The following GRIA4 variants were observed in gnomAD, a reference collection of about 807,000 sequenced individuals.
The protein encoded by GRIA4 is glutamate receptor 4.
A neutral mutation model predicts 104.0 loss-of-function variants in GRIA4; 34 were observed. That is an observed-to-expected ratio of 0.33 (90% CI 0.25 to 0.44). The LOEUF (loss-of-function observed/expected upper bound fraction) is 0.44. Among genes scored for constraint, GRIA4 ranks in the 20% least tolerant of loss-of-function variants. The pLI is 1.00. For synonymous variants in GRIA4, 386 were observed against 381.9 expected (o/e 1.01, Z -0.13); for missense variants, 750 against 1,096.5 (o/e 0.68, Z 4.46).
chr11:105,670,336 T>C (rs1280939523), intron 3 of GRIA4, among the ~76,000 whole-genome samples: 2 of 152,140 alleles, frequency 1.3e-5, no homozygotes, highest in African/African-American at 4.8e-5. Context: ...TGTAGAACAC[T>C]TTAAAGTCCA....
chr11:105,746,229 A>G (rs193079756), intron 3 of GRIA4, among the ~76,000 whole-genome samples: 28 of 152,146 alleles, frequency 1.8e-4, no homozygotes, highest in Admixed American at 4.6e-4. Context: ...CAATTATAAT[A>G]TATGAGATCA....
At chr11:105,776,857 C>T (rs961694711) in intron 4 of GRIA4, among the ~76,000 whole-genome samples, 1 of 152,172 alleles carries the variant, frequency 6.6e-6, no homozygotes, top group Admixed American at 6.5e-5. Context: ...CAGTTTAAAA[C>T]AAAAATTCCT....
chr11:105,965,982 A>G, intron 14 of GRIA4: 1 of 1,613,282 alleles, frequency 6.2e-7, no homozygotes, highest in Non-Finnish European at 8.5e-7. Flanking sequence ...AAACTGAATG[A>G]ACAAGGCCTC....
chr11:105,745,760 G>T (rs1320719715), intron 3 of GRIA4, among the ~76,000 whole-genome samples: 3 of 152,128 alleles, frequency 2.0e-5, no homozygotes, highest in Admixed American at 6.6e-5. Flanking sequence ...AAGGCAGTCA[G>T]GAGTGGGACT....
intron 12 of GRIA4, 25 bp from the exon 13 acceptor site, chr11:105,926,716 T>C: frequency 6.9e-7 from 1 of 1,442,618 alleles, no homozygotes; most frequent in South Asian, 1.1e-5. Context: ...GAAAGGAAAA[T>C]GTGCATTATT....
intron 4 of GRIA4, among the ~76,000 whole-genome samples, chr11:105,775,941 A>T (rs1281444306): frequency 1.3e-5 from 2 of 151,482 alleles, no homozygotes; most frequent in East Asian, 1.9e-4. Flanking sequence ...TTTTGTTGTT[A>T]AAAAAAATCT....
intron 7 of GRIA4, among the ~76,000 whole-genome samples, chr11:105,903,008 C>A (rs1565329466): frequency 1.3e-5 from 2 of 152,156 alleles, no homozygotes; most frequent in Non-Finnish European, 2.9e-5. Flanking sequence ...ATTTTTATCT[C>A]AATCTTTCCT....
chr11:105,844,988 T>C (rs1010145053), intron 4 of GRIA4, among the ~76,000 whole-genome samples: 9 of 152,256 alleles, frequency 5.9e-5, no homozygotes, highest in African/African-American at 2.2e-4. Context: ...TTGTGTGACC[T>C]TGGTCAATGT....
chr11:105,622,631 T>C (rs969953703), intron 3 of GRIA4, among the ~76,000 whole-genome samples: 5 of 151,864 alleles, frequency 3.3e-5, no homozygotes, highest in African/African-American at 1.2e-4. Flanking sequence ...CATCACATTT[T>C]CACTTTCTCC....
At chr11:105,811,487 G>A (rs531120762) in intron 4 of GRIA4, among the ~76,000 whole-genome samples, 35 of 152,190 alleles carry the variant, frequency 2.3e-4, no homozygotes, top group Non-Finnish European at 4.3e-4. Flanking sequence ...GTCAGTGAAC[G>A]AAGGGGTGAC....
chr11:105,690,384 T>G (rs900242736), intron 3 of GRIA4, among the ~76,000 whole-genome samples: 1 of 152,230 alleles, frequency 6.6e-6, no homozygotes, highest in Admixed American at 6.5e-5. Flanking sequence ...TTGGACAAAC[T>G]TAATATTTGA....
At chr11:105,612,056 TTG>T (rs1482882305) in intron 2 of GRIA4, among the ~76,000 whole-genome samples, 1 of 152,064 alleles carries the variant, frequency 6.6e-6, no homozygotes, top group Non-Finnish European at 1.5e-5. Flanking sequence ...TCAGAGGTCA[TTG>T]TGAGCAAGAC....
intron 5 of GRIA4, among the ~76,000 whole-genome samples, chr11:105,885,398 T>C (rs1222450672): frequency 6.6e-6 from 1 of 152,186 alleles, no homozygotes; most frequent in African/African-American, 2.4e-5. Context: ...AGATAAATTG[T>C]GGACTAGATA....
intron 3 of GRIA4, among the ~76,000 whole-genome samples, chr11:105,654,844 G>A (rs780638445): frequency 2.6e-5 from 4 of 152,108 alleles, no homozygotes; most frequent in Non-Finnish European, 4.4e-5. Flanking sequence ...CTTCAGATGA[G>A]TGAAGTTGGT....
intron 14 of GRIA4, among the ~76,000 whole-genome samples, chr11:105,948,407 T>C (rs1948370214): frequency 6.6e-6 from 1 of 152,162 alleles, no homozygotes; most frequent in East Asian, 1.9e-4. Flanking sequence ...TAGATACATG[T>C]GGTGAGTTAA....
chr11:105,702,152 T>A (rs575388751), intron 3 of GRIA4, among the ~76,000 whole-genome samples: 57 of 152,150 alleles, frequency 3.7e-4, no homozygotes, highest in Non-Finnish European at 7.8e-4. Context: ...CAGGCTGGTA[T>A]CAAACTCCTG....
At chr11:105,857,558 C>T (rs1945051031) in intron 4 of GRIA4, among the ~76,000 whole-genome samples, 1 of 152,138 alleles carries the variant, frequency 6.6e-6, no homozygotes, top group African/African-American at 2.4e-5. Flanking sequence ...CCATATTCAT[C>T]AAACTGGCAT....
intron 4 of GRIA4, among the ~76,000 whole-genome samples, chr11:105,778,714 C>A (rs1452326877): frequency 6.6e-6 from 1 of 152,006 alleles, no homozygotes; most frequent in African/African-American, 2.4e-5. Flanking sequence ...CAAAACAAAA[C>A]AAAACACCAA....
chr11:105,630,060 G>A (rs1210859989), intron 3 of GRIA4, among the ~76,000 whole-genome samples: 6 of 152,082 alleles, frequency 3.9e-5, no homozygotes, highest in Non-Finnish European at 8.8e-5. Flanking sequence ...TGGCCATCTG[G>A]TCACTTTCTT....
Sources: allele counts gnomAD v4.1 joint callset (sites outside exome capture counted in the v4.1 genomes callset), GRCh38; gene constraint gnomAD v4.1.1; transcripts MANE v1.5; gene names NCBI Gene and HGNC (gene_info 2026-07-23, HGNC 2026-07-21).